Variants in TAOK3 observed in about 807,000 individuals in gnomAD.
The protein encoded by TAOK3 is TAO kinase 3, also known as serine/threonine-protein kinase TAO3.
TAOK3 carries 40 observed loss-of-function variants against 120.4 expected under a neutral mutation model. That is an observed-to-expected ratio of 0.33 (90% confidence interval 0.26 to 0.43). The LOEUF is 0.43. Among genes scored for constraint, TAOK3 ranks in the 20% least tolerant of loss-of-function variants. The pLI, the probability that TAOK3 is intolerant of heterozygous loss-of-function variation, is 1.00. For missense variants in TAOK3, 821 were observed against 1,112.1 expected (o/e 0.74, Z 3.72); for synonymous variants, 355 against 387.5 (o/e 0.92, Z 0.99).
intron 1 of TAOK3, among the ~76,000 whole-genome samples, chr12:118,273,824 T>G (rs542094978): frequency 6.6e-6 from 1 of 152,082 alleles, no homozygotes. Flanking sequence ...TCTAAATAAA[T>G]AAATAAATTC....
chr12:118,209,694 C>T (rs896795648), intron 11 of TAOK3, among the ~76,000 whole-genome samples: 3 of 149,854 alleles, frequency 2.0e-5, no homozygotes, highest in Non-Finnish European at 4.4e-5. Flanking sequence ...CCATTGCACC[C>T]GGCTCTTCTT....
At chr12:118,182,599 G>GTGTATATATATA (rs1440847647) in intron 14 of TAOK3, among the ~76,000 whole-genome samples, 10 of 93,898 alleles carry the variant, frequency 1.1e-4, no homozygotes, top group African/African-American at 4.8e-4. Flanking sequence ...GTGTGTGTGT[G>GTGTATATATATA]TATATATATA....
chr12:118,368,387 G>A (rs1467773275), intron 1 of TAOK3, among the ~76,000 whole-genome samples: 1 of 151,924 alleles, frequency 6.6e-6, no homozygotes, highest in African/African-American at 2.4e-5. Context: ...TAGTAGAGAC[G>A]GGTTTTCACC....
At chr12:118,339,588 C>T (rs2044524868) in intron 1 of TAOK3, among the ~76,000 whole-genome samples, 2 of 146,414 alleles carry the variant, frequency 1.4e-5, no homozygotes, top group Non-Finnish European at 3.0e-5. Flanking sequence ...TTTTTCGAGA[C>T]GGGGTCTTAC....
intron 17 of TAOK3, among the ~76,000 whole-genome samples, chr12:118,164,716 G>T (rs2035470722): frequency 1.3e-5 from 2 of 152,166 alleles, no homozygotes; most frequent in African/African-American, 4.8e-5. Flanking sequence ...CCATGCCCCA[G>T]CCTCAGCTGT....
At chr12:118,289,625 T>C (rs1442514785) in intron 1 of TAOK3, among the ~76,000 whole-genome samples, 1 of 152,216 alleles carries the variant, frequency 6.6e-6, no homozygotes. Flanking sequence ...AAGATGTAAG[T>C]AATTACAAGT....
chr12:118,312,401 T>C (rs78477279), intron 1 of TAOK3, among the ~76,000 whole-genome samples: 2 of 152,276 alleles, frequency 1.3e-5, no homozygotes, highest in East Asian at 3.9e-4. Flanking sequence ...TAAACAATGC[T>C]AAGATTTTAG....
chr12:118,364,579 T>A (rs2045692645), intron 1 of TAOK3, among the ~76,000 whole-genome samples: 1 of 152,032 alleles, frequency 6.6e-6, no homozygotes, highest in Admixed American at 6.6e-5. Context: ...ATACTAGGAG[T>A]AGAACACACA....
In TAOK3 at chr12:118,150,878, A is replaced by G. The variant is rs959380248; in HGVS notation, c.*119T>C. The G allele has an allele frequency of 2.4e-5, 24 of 1,016,618 alleles. No homozygotes were observed. The Admixed American group carries it at 2.7e-4, about 12-fold the overall frequency. 63.0% of individuals were successfully genotyped at this position (1,016,618 alleles called of 1,614,324 possible). A position where few individuals can be genotyped will look rare whatever the true frequency, so the allele number is the denominator to read the frequency against. On this transcript the variant is annotated 3_prime_UTR_variant, in exon 21 of 21. Coordinates refer to ENST00000392533, the MANE Select transcript of TAOK3 (RefSeq NM_016281.4). ...AGTCCGACACGATGTCAGTAAGAGTAAGAGAGAGAGAGAGTGAGAGCAACG... is the reference window on the plus strand; with the variant it reads ...AGTCCGACACGATGTCAGTAAGAGTGAGAGAGAGAGAGAGTGAGAGCAACG...
chr12:118,337,523 T>C (rs2044415376), intron 1 of TAOK3, among the ~76,000 whole-genome samples: 4 of 152,230 alleles, frequency 2.6e-5, no homozygotes. Context: ...AGATATTCTT[T>C]AATGGATAAA....
intron 1 of TAOK3, among the ~76,000 whole-genome samples, chr12:118,288,104 C>T (rs1009414004): frequency 6.6e-6 from 1 of 151,854 alleles, no homozygotes; most frequent in Non-Finnish European, 1.5e-5. Flanking sequence ...AACAAAATTT[C>T]TCCTGTTTCT....
intron 1 of TAOK3, among the ~76,000 whole-genome samples, chr12:118,290,163 T>C (rs2042420147): frequency 6.6e-6 from 1 of 152,150 alleles, no homozygotes; most frequent in African/African-American, 2.4e-5. Flanking sequence ...TAAAACCCTT[T>C]AATCCTCATC....
intron 1 of TAOK3, among the ~76,000 whole-genome samples, chr12:118,368,257 C>T (rs1052027538): frequency 5.3e-5 from 8 of 152,110 alleles, no homozygotes; most frequent in African/African-American, 1.7e-4. Flanking sequence ...AGTGCGAGGG[C>T]GCTATTTTGG....
chr12:118,215,330 C>CA (rs759313035), intron 9 of TAOK3, among the ~76,000 whole-genome samples: 53,136 of 89,594 alleles, frequency 0.59, 13,574 homozygotes, highest in Non-Finnish European at 0.62. Context: ...CCCGTCTCTA[C>CA]AAAAAAAAAA....
chr12:118,152,054 C>T (rs534908819), intron 20 of TAOK3, among the ~76,000 whole-genome samples, 173 bp downstream of exon 20: 30 of 152,214 alleles, frequency 2.0e-4, no homozygotes, highest in Non-Finnish European at 2.8e-4. Flanking sequence ...CTTGGTGTTT[C>T]GGTCTGTAGA....
intron 2 of TAOK3, 33 bp from the exon 3 acceptor site, chr12:118,255,688 T>C: frequency 9.4e-7 from 1 of 1,058,266 alleles, no homozygotes; most frequent in South Asian, 1.8e-5. Flanking sequence ...ATTAAATTAT[T>C]TCTAACACAT....
chr12:118,332,985 C>G (rs1320703563), intron 1 of TAOK3, among the ~76,000 whole-genome samples: 1 of 152,062 alleles, frequency 6.6e-6, no homozygotes, highest in Non-Finnish European at 1.5e-5. Context: ...AACACACACA[C>G]ACACACACAC....
intron 14 of TAOK3, among the ~76,000 whole-genome samples, chr12:118,185,783 C>T (rs1274265491): frequency 6.6e-6 from 1 of 152,182 alleles, no homozygotes; most frequent in East Asian, 1.9e-4. Context: ...TTCGTTCATT[C>T]ATTTATTCAA....
At chr12:118,244,512 GTTAATTT>G (rs897082530) in intron 4 of TAOK3, among the ~76,000 whole-genome samples, 3 of 145,422 alleles carry the variant, frequency 2.1e-5, no homozygotes, top group Non-Finnish European at 4.5e-5. Flanking sequence ...AAAGAATTTT[GTTAATTT>G]CTTTTTTCTT....
Sources: gnomAD v4.1 joint callset for allele counts (sites outside exome capture counted in the v4.1 genomes callset) on GRCh38, gnomAD v4.1.1 for gene constraint, MANE v1.5 for transcripts, NCBI Gene and HGNC (gene_info 2026-07-23, HGNC 2026-07-21) for gene names.